The following CIAPIN1 variants were observed in gnomAD, a reference collection of about 807,000 sequenced individuals.
CIAPIN1 encodes cytokine induced apoptosis inhibitor 1.
CIAPIN1 carries 18 observed loss-of-function variants against 34.3 expected under a neutral mutation model. The ratio of observed to expected loss-of-function variants is 0.52; its 90% confidence interval spans 0.36 to 0.78. The LOEUF (loss-of-function observed/expected upper bound fraction) is 0.78. CIAPIN1 is among the 30% of genes least tolerant of loss of function. CIAPIN1 has a pLI of 0.00. For synonymous variants in CIAPIN1, 131 were observed against 140.4 expected, an observed-to-expected ratio of 0.93 and a Z score of 0.47; for missense variants, 310 against 372.5, an observed-to-expected ratio of 0.83 and a Z score of 1.38.
chr16:57,431,083 C>G, intron 7 of CIAPIN1, 68 bp downstream of exon 7: 1 of 866,392 alleles, frequency 1.2e-6, no homozygotes, highest in Non-Finnish European at 1.9e-6. Context: ...AATAGTACAG[C>G]ACCGCGATGT....
At chr16:57,431,027 A>T in intron 7 of CIAPIN1, 124 bp downstream of exon 7, 1 of 571,372 alleles carries the variant, frequency 1.8e-6, no homozygotes, top group Non-Finnish European at 3.1e-6. Flanking sequence ...TTATTTGCAG[A>T]GATGGTCTCC....
At position 57,445,375 on chromosome 16, in the gene CIAPIN1, C is replaced by T. The variant is rs925308166; in HGVS notation, c.-56+1967G>A. Among the ~76,000 whole-genome samples, 28 of 152,022 alleles carry T rather than the reference C, an allele frequency of 1.8e-4. 1 individual carries two copies. Among genetic ancestry groups the T allele is most frequent in the Admixed American group, 1.6e-3 (24 of 15,274 alleles). On this transcript the variant is annotated intron_variant, in intron 1 of 8. Transcript: ENST00000394391. ...TACAAAGATTAGCTGGGCATGGTGG[C>T]GTGCACCTGTAATCCCAGCTACTTG...
intron 1 of CIAPIN1, among the ~76,000 whole-genome samples, chr16:57,443,954 T>C (rs1390167315): frequency 1.3e-5 from 2 of 151,996 alleles, no homozygotes; most frequent in African/African-American, 4.8e-5. Context: ...GTTTCTAGAA[T>C]GATGTTGGAA....
intron 1 of CIAPIN1, among the ~76,000 whole-genome samples, chr16:57,445,834 GTTTTTTTTTTTTTTTTT>G (rs751037117): frequency 2.3e-4 from 16 of 70,494 alleles, no homozygotes; most frequent in African/African-American, 8.4e-4. Flanking sequence ...GACCTTAGAG[GTTTTTTTTTTTTTTTTT>G]TTTTTTTTTT....
Position 57,439,334 on chromosome 16 carries a change from G to T in CIAPIN1, c.158C>A (p.Ser53Tyr), listed in dbSNP as rs1345209531. The change falls in exon 3 of 9, where the codon TCT becomes TAT. Residue 53 changes from serine to tyrosine, a missense_variant and splice_region_variant. Transcript: ENST00000394391. ...GTCAAAGCTGGATTCTTTGTGGGCA[G>T]CTGAAAAGAAGAGGACTCTAATTAG... ...SVENIKQLLQSAHKESSFDII... is the reference protein window; with the variant it reads ...SVENIKQLLQYAHKESSFDII... 1 of 1,614,158 alleles carries T rather than the reference G, an allele frequency of 6.2e-7. No individual in the cohort carries two copies. The highest frequency in any genetic ancestry group is 1.3e-5 in the African/African-American group (1 of 75,032).
At chr16:57,436,633 A>G (rs780043464) in intron 4 of CIAPIN1, 23 bp downstream of exon 4, 17 of 1,595,490 alleles carry the variant, frequency 1.1e-5, no homozygotes, top group Non-Finnish European at 1.4e-5. Flanking sequence ...CAGGGCAGCA[A>G]AGAAAGTTGT....
chr16:57,441,062 C>T, intron 1 of CIAPIN1, 79 bp from the exon 2 acceptor site: 1 of 810,962 alleles, frequency 1.2e-6, no homozygotes, highest in African/African-American at 1.7e-5. Context: ...TTGTAACCGC[C>T]CACTAGGGAA....
chr16:57,434,009 A>G, intron 5 of CIAPIN1, 35 bp downstream of exon 5: 1 of 1,597,402 alleles, frequency 6.3e-7, no homozygotes, highest in Non-Finnish European at 8.6e-7. Context: ...CTCTAAGCCC[A>G]TTCAAACAGA....
At position 57,440,775 on chromosome 16, in the gene CIAPIN1, G is replaced by C. The variant is rs11557674; in HGVS notation, c.154C>G (p.Gln52Glu). ...GACAACGTGGGTGGGTACTTACATT[G>C]CAACAGCTGCTTGATGTTTTCCACA... Reference protein sequence around the residue: ...VSVENIKQLLQSAHKESSFDI... With the variant: ...VSVENIKQLLESAHKESSFDI... The change falls in exon 2 of 9, where the codon CAA (glutamine) becomes GAA (glutamate). Residue 52 changes from glutamine (Q) to glutamate (E), a missense_variant. Coordinates refer to ENST00000394391, the MANE Select transcript of CIAPIN1 (RefSeq NM_020313.4). The C allele has an allele frequency of 0.052, 84,285 of 1,611,412 alleles. 2,571 individuals are homozygous for C. The highest frequency in any genetic ancestry group is 0.07 in the Middle Eastern group (423 of 6,046).
intron 1 of CIAPIN1, among the ~76,000 whole-genome samples, chr16:57,442,589 G>A (rs1189463728): frequency 6.6e-6 from 1 of 151,960 alleles, no homozygotes; most frequent in Non-Finnish European, 1.5e-5. Flanking sequence ...GGGTGGAGGA[G>A]AGGGCCTGAG....
intron 1 of CIAPIN1, among the ~76,000 whole-genome samples, chr16:57,445,801 C>T (rs2030029842): frequency 7.1e-6 from 1 of 141,842 alleles, no homozygotes; most frequent in Non-Finnish European, 1.5e-5. Context: ...CAAGAGAACG[C>T]TCTGTCTAGA....
chr16:57,432,749 C>T (rs1467498016), intron 5 of CIAPIN1, among the ~76,000 whole-genome samples, 189 bp from the exon 6 acceptor site: 2 of 152,236 alleles, frequency 1.3e-5, no homozygotes, highest in Non-Finnish European at 2.9e-5. Flanking sequence ...CTGATAGTTA[C>T]AGAAGTCACC....
At chr16:57,436,793 G>T in intron 3 of CIAPIN1, 61 bp from the exon 4 acceptor site, 3 of 1,418,958 alleles carry the variant, frequency 2.1e-6, no homozygotes, top group African/African-American at 1.4e-5. Flanking sequence ...AATAATAAAG[G>T]CTCAATCCTA....
chr16:57,429,074 T>A lies in CIAPIN1; in HGVS notation c.*96A>T. ...CCCACTCTGCAAACAGATCTCAGAG[T>A]GAACAAATCCAGAGGAGGTGGGAGG... On this transcript the variant is annotated 3_prime_UTR_variant, in exon 9 of 9. Transcript: ENST00000394391. The A allele has an allele frequency of 1.2e-6, 1 of 827,282 alleles. No homozygotes were observed. The highest frequency in any genetic ancestry group is 2.0e-6 in the Non-Finnish European group (1 of 491,324). 51.2% of individuals were successfully genotyped at this position (827,282 alleles called of 1,614,324 possible).
intron 1 of CIAPIN1, 132 bp downstream of exon 1, chr16:57,447,210 G>A: frequency 2.9e-6 from 1 of 339,832 alleles, no homozygotes; most frequent in Admixed American, 4.8e-5. Context: ...GGCTTTCAGC[G>A]GGGCGGCCGT....
intron 5 of CIAPIN1, chr16:57,433,774 C>T: frequency 5.4e-6 from 2 of 372,300 alleles, no homozygotes; most frequent in South Asian, 4.4e-5. Flanking sequence ...ATTAATTAAA[C>T]TGTGTGACTC....
chr16:57,440,678 T>C (rs560769530), intron 2 of CIAPIN1, 94 bp downstream of exon 2: 1 of 1,413,728 alleles, frequency 7.1e-7, no homozygotes. Flanking sequence ...CATGCCACCC[T>C]AAATGAAAAC....
At chr16:57,434,260 T>C in intron 4 of CIAPIN1, 48 bp from the exon 5 acceptor site, 1 of 1,580,698 alleles carries the variant, frequency 6.3e-7, no homozygotes. Context: ...CTCTGTAAAA[T>C]GGTTTACTAT....
rs527822913 is a variant in CIAPIN1 at position 57,429,349 on chromosome 16, C to T, written c.829-69G>A. 1.2e-5 allele frequency: 13 copies of T among 1,084,966 alleles called. No homozygotes were observed. The East Asian group carries it at 2.6e-4, about 22-fold the overall frequency. 67.2% of individuals were successfully genotyped at this position (1,084,966 alleles called of 1,614,324 possible). ...GCATACCAGCCAGAAGAAAGAAATGCCTAATTTCATAATGTGGCCACAGTG... is the reference window on the plus strand; with the variant it reads ...GCATACCAGCCAGAAGAAAGAAATGTCTAATTTCATAATGTGGCCACAGTG... On this transcript the variant is annotated intron_variant, in intron 8 of 8. Coordinates refer to ENST00000394391, the MANE Select transcript of CIAPIN1 (RefSeq NM_020313.4).
Sources: allele counts gnomAD v4.1 joint callset (sites outside exome capture counted in the v4.1 genomes callset), GRCh38; gene constraint gnomAD v4.1.1; transcripts MANE v1.5; gene names NCBI Gene and HGNC (gene_info 2026-07-23, HGNC 2026-07-21).